The following SLC60A2 variants were observed in gnomAD, a reference collection of about 807,000 sequenced individuals.
SLC60A2 encodes major facilitator superfamily domain containing 4B.
the SLC60A2 span, among the ~76,000 whole-genome samples, chr6:111,276,367 T>A: frequency 6.6e-6 from 1 of 152,244 alleles, no homozygotes; most frequent in Non-Finnish European, 1.5e-5. Flanking sequence ...TAGATTTTTT[T>A]CTTAATCAAG....
the SLC60A2 span, among the ~76,000 whole-genome samples, chr6:111,276,841 C>G: frequency 1.3e-5 from 2 of 152,206 alleles, no homozygotes; most frequent in Admixed American, 1.3e-4. Context: ...GCATTCCTGG[C>G]CCATCTTCTA....
the SLC60A2 span, chr6:111,259,782 C>T: frequency 6.6e-7 from 1 of 1,521,336 alleles, no homozygotes. Context: ...CTTGCCTTCG[C>T]CACTTGCAAA....
chr6:111,265,867 C>G, the SLC60A2 span: 1 of 1,563,372 alleles, frequency 6.4e-7, no homozygotes, highest in East Asian at 2.3e-5. Flanking sequence ...TCCCATCTTT[C>G]ATCGACAGGT....
At chr6:111,279,136 A>G in the SLC60A2 span, among the ~76,000 whole-genome samples, 1 of 152,174 alleles carries the variant, frequency 6.6e-6, no homozygotes, top group Non-Finnish European at 1.5e-5. Flanking sequence ...ATTGAGAACC[A>G]CTGCTTTGAT....
At chr6:111,262,569 C>T in the SLC60A2 span, 1 of 715,406 alleles carries the variant, frequency 1.4e-6, no homozygotes, top group Non-Finnish European at 2.4e-6. Flanking sequence ...GTTGAGTTTC[C>T]CTGGTACCTG....
the SLC60A2 span, chr6:111,266,217 GAGA>G: frequency 6.2e-7 from 1 of 1,613,906 alleles, no homozygotes; most frequent in East Asian, 2.2e-5. Context: ...AGCATCTGCT[GAGA>G]CATTTCGAAG....
At chr6:111,268,206 A>G in the SLC60A2 span, 45 of 152,380 alleles carry the variant, frequency 3.0e-4, no homozygotes, top group Admixed American at 1.0e-3. Flanking sequence ...TTACATGTCA[A>G]TTTAATGTAC....
the SLC60A2 span, among the ~76,000 whole-genome samples, chr6:111,263,672 A>C: frequency 6.6e-6 from 1 of 152,244 alleles, no homozygotes; most frequent in Non-Finnish European, 1.5e-5. Flanking sequence ...ATTATAAAAG[A>C]TTCAAATGAA....
the SLC60A2 span, chr6:111,263,837 A>G: frequency 1.3e-6 from 2 of 1,586,914 alleles, no homozygotes; most frequent in Non-Finnish European, 1.7e-6. Context: ...CAGGAATCTC[A>G]ATGTCGGCTA....
At chr6:111,263,867 T>C in the SLC60A2 span, 3,483 of 1,611,714 alleles carry the variant, frequency 2.2e-3, 60 homozygotes, top group African/African-American at 0.042. Context: ...GTCTTTATCT[T>C]GTTCCTTTTT....
the SLC60A2 span, chr6:111,265,930 A>G: frequency 1.2e-6 from 2 of 1,614,086 alleles, no homozygotes; most frequent in Non-Finnish European, 1.7e-6. Context: ...CCACATATGC[A>G]GGCCTTACAC....
chr6:111,267,098 G>A, the SLC60A2 span: 1 of 1,610,200 alleles, frequency 6.2e-7, no homozygotes, highest in Non-Finnish European at 8.5e-7. Flanking sequence ...CAGAAACCAG[G>A]ACAAAAGGGA....
the SLC60A2 span, among the ~76,000 whole-genome samples, chr6:111,259,911 CT>C: frequency 1.0e-3 from 124 of 121,158 alleles, no homozygotes; most frequent in Middle Eastern, 4.8e-3. Context: ...CTCCAGCAAG[CT>C]TTTTTTTTTT....
chr6:111,268,961 A>AT, the SLC60A2 span: 2 of 151,976 alleles, frequency 1.3e-5, no homozygotes, highest in Non-Finnish European at 2.9e-5. Flanking sequence ...ACTTCCTCCA[A>AT]TTTTTTGCTG....
chr6:111,275,129 G>C, the SLC60A2 span, among the ~76,000 whole-genome samples: 1 of 150,418 alleles, frequency 6.6e-6, no homozygotes, highest in African/African-American at 2.4e-5. Context: ...TCGTTGCCCA[G>C]GCTAGTCTTA....
At chr6:111,266,518 C>T in the SLC60A2 span, 35 of 1,614,144 alleles carry the variant, frequency 2.2e-5, no homozygotes, top group East Asian at 7.6e-4. Context: ...GACAAGAACC[C>T]AATTTGTCTC....
At chr6:111,268,271 T>C in the SLC60A2 span, 3 of 152,260 alleles carry the variant, frequency 2.0e-5, no homozygotes, top group Admixed American at 6.5e-5. Flanking sequence ...TTTTTAGTAC[T>C]GCATTTCATT....
chr6:111,260,270 G>T, the SLC60A2 span, among the ~76,000 whole-genome samples: 1 of 152,184 alleles, frequency 6.6e-6, no homozygotes, highest in Admixed American at 6.5e-5. Flanking sequence ...GGTTCACCAG[G>T]TCTTTGGCCG....
chr6:111,273,948 G>T, the SLC60A2 span, among the ~76,000 whole-genome samples: 1 of 152,106 alleles, frequency 6.6e-6, no homozygotes, highest in Non-Finnish European at 1.5e-5. Flanking sequence ...GTCTTGAACT[G>T]CACTCAAGTG....
Sources: allele counts gnomAD v4.1 joint callset (sites outside exome capture counted in the v4.1 genomes callset), GRCh38; gene constraint gnomAD v4.1.1; transcripts MANE v1.5; gene names NCBI Gene and HGNC (gene_info 2026-07-23, HGNC 2026-07-21).